The following UBAP1 variants were observed in gnomAD, a reference collection of about 807,000 sequenced individuals.
The protein encoded by UBAP1 is ubiquitin associated protein 1.
Under a neutral mutation model 39.0 loss-of-function variants are expected in UBAP1, and 5 were observed. The ratio of observed to expected loss-of-function variants is 0.13; its 90% CI spans 0.07 to 0.27. UBAP1 has a LOEUF of 0.27. Among genes scored for constraint, UBAP1 ranks in the 10% least tolerant of loss-of-function variants. The pLI is 1.00. For synonymous variants in UBAP1, 211 were observed against 225.1 expected, an observed-to-expected ratio of 0.94 and a Z score of 0.56; for missense variants, 490 against 608.1, an observed-to-expected ratio of 0.81 and a Z score of 2.04.
At position 34,226,121 on chromosome 9, in the gene UBAP1, G is replaced by GTGTGTGTGTGTGTGTGTGTGTGTGTGTT. The variant is rs1563911169; in HGVS notation, c.34+5200_34+5201insTTGTGTGTGTGTGTGTGTGTGTGTGTGT. On this transcript the variant is annotated intron_variant, in intron 2 of 6. Transcript: ENST00000297661. Reference sequence around the variant, plus strand: ...CCTACTCTATTGTGTGTGTGTGTGTGTGTGTGTGTGTGTGTGTGTGTGTGT... The same window carrying GTGTGTGTGTGTGTGTGTGTGTGTGTGTT: ...CCTACTCTATTGTGTGTGTGTGTGTGTGTGTGTGTGTGTGTGTGTGTGTGTGTTTGTGTGTGTGTGTGTGTGTGTGTGT... 5.5e-3 allele frequency among the ~76,000 whole-genome samples: 543 copies of GTGTGTGTGTGTGTGTGTGTGTGTGTGTT among 98,364 alleles called. 4 individuals are homozygous for GTGTGTGTGTGTGTGTGTGTGTGTGTGTT. The highest frequency in any genetic ancestry group is 8.7e-3 in the Non-Finnish European group (361 of 41,656). The allele number at this position is 98,364 out of a possible 152,430, so 64.5% of individuals were successfully genotyped here.
chr9:34,250,787 C>G, intron 6 of UBAP1, 28 bp downstream of exon 6: 1 of 1,592,498 alleles, frequency 6.3e-7, no homozygotes, highest in Non-Finnish European at 8.6e-7. Flanking sequence ...TCTTGGGAAC[C>G]CTCTGGAAAA....
chr9:34,208,379 A>G (rs1218079933), intron 1 of UBAP1, among the ~76,000 whole-genome samples: 1 of 152,220 alleles, frequency 6.6e-6, no homozygotes, highest in Non-Finnish European at 1.5e-5. Context: ...ACAGTGGCTT[A>G]TGCCTGTAAT....
rs896113786 is a variant in UBAP1 at position 34,179,072 on chromosome 9, G to C, written c.-176G>C. On this transcript the variant is annotated 5_prime_UTR_variant, in exon 1 of 7. Transcript: ENST00000297661. ...AGTAGGACTTCAACATGGCGGCTGC[G>C]GCACTGGCGGTGGCTACGGTGACGG... 7.8e-7 allele frequency: 1 copy of C among 1,276,938 alleles called. No individual in the cohort carries two copies. The highest frequency in any genetic ancestry group is 3.1e-5 in the East Asian group (1 of 32,346). 79.1% of individuals were successfully genotyped at this position (1,276,938 alleles called of 1,614,324 possible). A position where few individuals can be genotyped will look rare whatever the true frequency, so the allele number is the denominator to read the frequency against.
chr9:34,249,496 C>T (rs564788204), intron 4 of UBAP1, among the ~76,000 whole-genome samples: 1 of 152,136 alleles, frequency 6.6e-6, no homozygotes, highest in Admixed American at 6.5e-5. Context: ...AAGGGCCTGT[C>T]GTGTTGTGGC....
chr9:34,182,681 T>TTCTTTCTTTCTTTCTTTCTCTCTC (rs1491429494), intron 1 of UBAP1, among the ~76,000 whole-genome samples: 3 of 115,596 alleles, frequency 2.6e-5, no homozygotes, highest in Admixed American at 1.8e-4. Flanking sequence ...CTTTCTTTCT[T>TTCTTTCTTTCTTTCTTTCTCTCTC]TCTCTCTCTC....
chr9:34,231,704 G>A (rs1465975077), intron 2 of UBAP1, among the ~76,000 whole-genome samples: 1 of 151,760 alleles, frequency 6.6e-6, no homozygotes, highest in African/African-American at 2.4e-5. Context: ...GAGTGCAGTG[G>A]TGCGATCTTG....
intron 1 of UBAP1, among the ~76,000 whole-genome samples, chr9:34,209,233 G>A (rs914219717): frequency 1.7e-4 from 26 of 152,100 alleles, no homozygotes; most frequent in Non-Finnish European, 2.9e-4. Context: ...GAGCCACCAC[G>A]CCTGGCCTGA....
chr9:34,226,720 T>A (rs928024044), intron 2 of UBAP1, among the ~76,000 whole-genome samples: 34 of 152,244 alleles, frequency 2.2e-4, no homozygotes, highest in Non-Finnish European at 4.4e-4. Context: ...CTGTTCAATT[T>A]TTTTTTTCCC....
At chr9:34,210,533 A>T (rs1005457217) in intron 1 of UBAP1, among the ~76,000 whole-genome samples, 2 of 152,156 alleles carry the variant, frequency 1.3e-5, no homozygotes, top group Non-Finnish European at 2.9e-5. Flanking sequence ...AGCCTGGCCA[A>T]CATGGCAAAA....
chr9:34,204,624 AT>A (rs552436055), intron 1 of UBAP1, among the ~76,000 whole-genome samples: 1 of 152,188 alleles, frequency 6.6e-6, no homozygotes, highest in Non-Finnish European at 1.5e-5. Context: ...TCTGGAAAGA[AT>A]TCCAGAGATC....
At chr9:34,250,584 T>A (rs914323989) in intron 5 of UBAP1, 74 bp from the exon 6 acceptor site, 102 of 1,206,978 alleles carry the variant, frequency 8.5e-5, no homozygotes, top group Admixed American at 2.6e-4. Context: ...CTTCACACAC[T>A]AGTTTGTTGA....
At chr9:34,200,778 G>C (rs1015501933) in intron 1 of UBAP1, among the ~76,000 whole-genome samples, 3 of 152,088 alleles carry the variant, frequency 2.0e-5, no homozygotes, top group Non-Finnish European at 4.4e-5. Context: ...AGAGTTAGCT[G>C]TTCTCCCGAA....
At chr9:34,225,513 C>T (rs528768655) in intron 2 of UBAP1, among the ~76,000 whole-genome samples, 3 of 152,142 alleles carry the variant, frequency 2.0e-5, no homozygotes, top group Admixed American at 6.6e-5. Flanking sequence ...CGCGGTGGCT[C>T]ATGCCTGTAA....
intron 1 of UBAP1, among the ~76,000 whole-genome samples, chr9:34,182,666 TC>T (rs1386923662): frequency 1.3e-4 from 8 of 62,750 alleles, no homozygotes; most frequent in South Asian, 7.8e-4. Context: ...TTTCTTTCTT[TC>T]TTTCTTTCTT....
At chr9:34,250,290 A>G (rs1834408371) in intron 5 of UBAP1, among the ~76,000 whole-genome samples, 4 of 152,192 alleles carry the variant, frequency 2.6e-5, no homozygotes, top group Admixed American at 2.6e-4. Flanking sequence ...CCTGTCATCT[A>G]TGCCCAGAGT....
At chr9:34,236,869 C>T (rs1366206910) in intron 3 of UBAP1, among the ~76,000 whole-genome samples, 1 of 152,004 alleles carries the variant, frequency 6.6e-6, no homozygotes, top group Non-Finnish European at 1.5e-5. Flanking sequence ...ATAGTCTAGA[C>T]ATAAGGTTAT....
intron 1 of UBAP1, among the ~76,000 whole-genome samples, chr9:34,183,613 A>AT (rs1356133953): frequency 1.3e-5 from 2 of 151,820 alleles, no homozygotes; most frequent in East Asian, 3.9e-4. Flanking sequence ...AAAGAAAAAA[A>AT]CTCAAGCTGA....
At chr9:34,200,107 G>A (rs574545115) in intron 1 of UBAP1, among the ~76,000 whole-genome samples, 6 of 152,150 alleles carry the variant, frequency 3.9e-5, no homozygotes, top group African/African-American at 1.4e-4. Flanking sequence ...AACTGGTCAG[G>A]TCCTCAATTT....
In UBAP1 at chr9:34,249,955, T is replaced by C. The variant is rs1834385679; in HGVS notation, c.1260T>C (p.Ile420=). 1 of 1,613,934 alleles carries C rather than the reference T, an allele frequency of 6.2e-7. No individual in the cohort carries two copies. The highest frequency in any genetic ancestry group is 1.1e-5 in the South Asian group (1 of 91,058). The change falls in exon 5 of 7, where the codon ATT becomes ATC. Residue 420 remains isoleucine, a synonymous_variant. Transcript: ENST00000297661. ...CCATGAAGAAGAAAGGAGAGAATAT[T>C]GAGCAGGTGAGCGGTTGGTCAGCCA... ...LRAMKKKGEN[I]EQILDYLFAH...
Sources: gnomAD v4.1 joint callset for allele counts (sites outside exome capture counted in the v4.1 genomes callset) on GRCh38, gnomAD v4.1.1 for gene constraint, MANE v1.5 for transcripts, NCBI Gene and HGNC (gene_info 2026-07-23, HGNC 2026-07-21) for gene names.